Variants in ARHGAP12 observed in about 807,000 individuals in gnomAD.
ARHGAP12 encodes rho GTPase-activating protein 12.
ARHGAP12 carries 64 observed loss-of-function variants against 108.6 expected under a neutral mutation model. The ratio of observed to expected loss-of-function variants is 0.59; its 90% confidence interval spans 0.48 to 0.73. The LOEUF (loss-of-function observed/expected upper bound fraction) is 0.73. ARHGAP12 is among the 30% of genes least tolerant of loss of function. ARHGAP12 has a pLI of 0.00. For synonymous variants in ARHGAP12, 312 were observed against 337.2 expected, an observed-to-expected ratio of 0.93 and a Z score of 0.82; for missense variants, 940 against 1,005.9, an observed-to-expected ratio of 0.93 and a Z score of 0.89.
intron 1 of ARHGAP12, among the ~76,000 whole-genome samples, chr10:31,910,977 T>C (rs981828013): frequency 2.0e-5 from 3 of 152,228 alleles, no homozygotes; most frequent in African/African-American, 7.2e-5. Flanking sequence ...TTAGGTGTCC[T>C]AACACATTTG....
intron 4 of ARHGAP12, among the ~76,000 whole-genome samples, chr10:31,856,512 C>T (rs1349507154): frequency 6.6e-6 from 1 of 152,084 alleles, no homozygotes; most frequent in Non-Finnish European, 1.5e-5. Context: ...AAATTTACCC[C>T]AATAATTGGG....
At chr10:31,819,021 T>C (rs1238339809) in intron 12 of ARHGAP12, among the ~76,000 whole-genome samples, 1 of 152,110 alleles carries the variant, frequency 6.6e-6, no homozygotes, top group Non-Finnish European at 1.5e-5. Flanking sequence ...TATAGGTTCT[T>C]ATTTAAAGGA....
At chr10:31,893,362 G>GA (rs1838538596) in intron 3 of ARHGAP12, among the ~76,000 whole-genome samples, 1 of 151,884 alleles carries the variant, frequency 6.6e-6, no homozygotes, top group Admixed American at 6.6e-5. Flanking sequence ...GACTAATGAA[G>GA]AACAAAAGAG....
chr10:31,818,371 G>A (rs11008659), intron 12 of ARHGAP12, among the ~76,000 whole-genome samples: 1 of 152,172 alleles, frequency 6.6e-6, no homozygotes, highest in Non-Finnish European at 1.5e-5. Flanking sequence ...TAATGGCTTA[G>A]TACAAAGAGC....
chr10:31,871,954 A>G (rs1592317229), intron 3 of ARHGAP12, among the ~76,000 whole-genome samples: 1 of 152,298 alleles, frequency 6.6e-6, no homozygotes, highest in East Asian at 1.9e-4. Flanking sequence ...CTTTTCTTTC[A>G]TGCCCTCACG....
At chr10:31,862,266 T>C (rs942402378) in intron 3 of ARHGAP12, among the ~76,000 whole-genome samples, 9 of 152,230 alleles carry the variant, frequency 5.9e-5, no homozygotes, top group African/African-American at 2.2e-4. Flanking sequence ...TCAGAGGCTA[T>C]AAACAAATCA....
At chr10:31,854,307 ATATCT>A in intron 4 of ARHGAP12, 101 bp from the exon 5 acceptor site, 1 of 958,986 alleles carries the variant, frequency 1.0e-6, no homozygotes, top group Non-Finnish European at 1.5e-6. Flanking sequence ...AAGTATGAAG[ATATCT>A]TAAATATATC....
At position 31,817,086 on chromosome 10, in the gene ARHGAP12, C is replaced by CT. The variant is rs1398815262; in HGVS notation, c.1731+701dup. 2.6e-5 allele frequency among the ~76,000 whole-genome samples: 4 copies of CT among 152,168 alleles called. 1 individual carries two copies. Among genetic ancestry groups the CT allele is most frequent in the Non-Finnish European group, 5.9e-5 (4 of 68,008 alleles). ...TGCAAGCCAGGCACAGTGGAGCACA[C>CT]TTGTAGTCCCAGCTACTTGGGAGGC... On this transcript the variant is annotated intron_variant, in intron 13 of 19. Transcript: ENST00000344936.
At chr10:31,877,912 A>G (rs1420281212) in intron 3 of ARHGAP12, among the ~76,000 whole-genome samples, 5 of 152,072 alleles carry the variant, frequency 3.3e-5, no homozygotes, top group African/African-American at 1.2e-4. Context: ...GGGAACGTGG[A>G]GAAACCCTGT....
At chr10:31,886,451 T>A (rs149905527) in intron 3 of ARHGAP12, among the ~76,000 whole-genome samples, 1 of 152,154 alleles carries the variant, frequency 6.6e-6, no homozygotes, top group African/African-American at 2.4e-5. Context: ...CCTTTAAATA[T>A]AACACCTAAG....
At position 31,908,164 on chromosome 10, in the gene ARHGAP12, A is replaced by C. The variant is rs1839211444; in HGVS notation, c.684+8T>G. 1.3e-6 allele frequency: 2 copies of C among 1,552,212 alleles called. No individual in the cohort carries two copies. Among genetic ancestry groups the C allele is most frequent in the African/African-American group, 2.8e-5 (2 of 72,288 alleles). On this transcript the variant is annotated splice_region_variant and intron_variant, in intron 3 of 19. Coordinates refer to ENST00000344936, the MANE Select transcript of ARHGAP12 (RefSeq NM_018287.7). ...TACAGTGTTTCCTCATTCTATTTTT[A>C]ATCTTACCCTTATCTGTTCAGTGGA...
At chr10:31,861,771 C>T in intron 3 of ARHGAP12, 113 bp from the exon 4 acceptor site, 1 of 937,840 alleles carries the variant, frequency 1.1e-6, no homozygotes, top group Non-Finnish European at 1.6e-6. Flanking sequence ...AACATATATA[C>T]AGGTGAATAT....
chr10:31,809,303 C>G lies in ARHGAP12; in HGVS notation c.2055G>C (p.Leu685Phe). ...TTACTCTGTATATCCCATCAATATCCAAACCTAAGAGACAATAATAATTTG... is the reference window on the plus strand; with the variant it reads ...TTACTCTGTATATCCCATCAATATCGAAACCTAAGAGACAATAATAATTTG... Reference protein sequence around the residue: ...LCIEHVEEHGLDIDGIYRVSG... With the variant: ...LCIEHVEEHGFDIDGIYRVSG... The change falls in exon 17 of 20, where the codon TTG becomes TTC. Residue 685 changes from leucine (L) to phenylalanine (F), a missense_variant. Physicochemically the swap from Leu to Phe is conservative, Grantham distance 22. Transcript: ENST00000344936. 1 of 1,613,374 alleles carries G rather than the reference C, an allele frequency of 6.2e-7. No individual in the cohort carries two copies. Among genetic ancestry groups the G allele is most frequent in the Non-Finnish European group, 8.5e-7 (1 of 1,179,420 alleles).
At chr10:31,837,012 G>GT (rs1403978867) in intron 9 of ARHGAP12, among the ~76,000 whole-genome samples, 1 of 152,178 alleles carries the variant, frequency 6.6e-6, no homozygotes, top group Non-Finnish European at 1.5e-5. Flanking sequence ...AGAGGGTACT[G>GT]TGAGTCCGGC....
intron 3 of ARHGAP12, among the ~76,000 whole-genome samples, chr10:31,887,929 T>C (rs537871314): frequency 1.3e-5 from 2 of 152,276 alleles, no homozygotes; most frequent in African/African-American, 4.8e-5. Context: ...AGTGCTAGGA[T>C]TACAGGCGTG....
At chr10:31,895,125 A>G (rs1247677651) in intron 3 of ARHGAP12, among the ~76,000 whole-genome samples, 2 of 152,254 alleles carry the variant, frequency 1.3e-5, no homozygotes, top group Non-Finnish European at 1.5e-5. Context: ...CTTAAATGTT[A>G]GACCTAAAAC....
rs746406821 is a variant in ARHGAP12, at chr10:31,908,253, G to A, written c.603C>T (p.Ser201=). The change falls in exon 3 of 20, where the codon TCC becomes TCT. Residue 201 remains serine (S), a synonymous_variant. Coordinates refer to ENST00000344936, the MANE Select transcript of ARHGAP12 (RefSeq NM_018287.7). ...GTATTCTTTCAGAGCCTTCTCCTGC[G>A]GAATCACAAGATTGTTCCTGGGAGA... The part of the protein sequence containing the change: ...TSFSQEQSCD[S]AGEGSERIHQ... The A allele has an allele frequency of 3.8e-5, 62 of 1,613,748 alleles. 3 individuals are homozygous for A. The East Asian group carries it at 4.2e-4, about 11-fold the overall frequency.
chr10:31,843,373 A>G (rs1836336828), intron 7 of ARHGAP12, 88 bp downstream of exon 7: 1 of 1,342,034 alleles, frequency 7.5e-7, no homozygotes, highest in Admixed American at 2.5e-5. Flanking sequence ...AAGAATATTT[A>G]CTAAATACAT....
intron 18 of ARHGAP12, 71 bp downstream of exon 18, chr10:31,808,923 A>G (rs1029078): frequency 0.21 from 310,101 of 1,449,356 alleles, 34,629 homozygotes; most frequent in East Asian, 0.35. Flanking sequence ...AAGATAAAAA[A>G]AATTGGGTGG....
Sources: allele counts gnomAD v4.1 joint callset (sites outside exome capture counted in the v4.1 genomes callset), GRCh38; gene constraint gnomAD v4.1.1; transcripts MANE v1.5; gene names NCBI Gene and HGNC (gene_info 2026-07-23, HGNC 2026-07-21).